The following PRKG1 variants were observed in gnomAD, a reference collection of about 807,000 sequenced individuals.
The protein encoded by PRKG1 is protein kinase cGMP-dependent 1.
A neutral mutation model predicts 88.1 loss-of-function variants in PRKG1; 35 were observed. That is an observed-to-expected ratio of 0.40 (90% CI 0.30 to 0.53). PRKG1 has a LOEUF of 0.53. Among genes scored for constraint, PRKG1 ranks in the 20% least tolerant of loss-of-function variants. The probability of loss-of-function intolerance (pLI) is 0.59; values close to 1 mark genes in which losing one functional copy is unlikely to be tolerated. For synonymous variants in PRKG1, 303 were observed against 292.5 expected (o/e 1.04, Z -0.37); for missense variants, 540 against 839.8 (o/e 0.64, Z 4.41).
At chr10:52,101,986 C>G (rs995095796) in intron 7 of PRKG1, among the ~76,000 whole-genome samples, 1 of 152,084 alleles carries the variant, frequency 6.6e-6, no homozygotes, top group African/African-American at 2.4e-5. Flanking sequence ...CAGGACTGCC[C>G]TTCTCTATAA....
At chr10:51,045,047 G>A (rs1252860869) in intron 1 of PRKG1, among the ~76,000 whole-genome samples, 1 of 151,962 alleles carries the variant, frequency 6.6e-6, no homozygotes. Context: ...TGTCTTAAAA[G>A]GTAGACATTT....
chr10:51,189,602 G>A (rs934436207), intron 2 of PRKG1, among the ~76,000 whole-genome samples: 1 of 151,782 alleles, frequency 6.6e-6, no homozygotes, highest in Non-Finnish European at 1.5e-5. Context: ...CTGTGTCCCA[G>A]TTGTTTGTTT....
intron 6 of PRKG1, among the ~76,000 whole-genome samples, chr10:52,055,029 C>T (rs761914741): frequency 2.0e-5 from 3 of 152,032 alleles, no homozygotes; most frequent in Non-Finnish European, 2.9e-5. Flanking sequence ...CCAGCTACTT[C>T]GGAGGCTGAG....
chr10:51,119,240 A>G (rs1002938838), intron 1 of PRKG1, among the ~76,000 whole-genome samples: 20 of 152,050 alleles, frequency 1.3e-4, no homozygotes, highest in Non-Finnish European at 2.2e-4. Context: ...AACTAAATTA[A>G]ATTTTCAGGG....
At chr10:52,153,831 C>T (rs1010981759) in intron 8 of PRKG1, among the ~76,000 whole-genome samples, 5 of 151,978 alleles carry the variant, frequency 3.3e-5, no homozygotes, top group South Asian at 2.1e-4. Context: ...CTGCAACCTC[C>T]GCCTCCCGGG....
intron 3 of PRKG1, among the ~76,000 whole-genome samples, chr10:51,476,739 A>C (rs1310604144): frequency 6.6e-6 from 1 of 152,006 alleles, no homozygotes; most frequent in Non-Finnish European, 1.5e-5. Flanking sequence ...AGTTGCCCTA[A>C]ATTCCCTTGC....
intron 3 of PRKG1, among the ~76,000 whole-genome samples, chr10:51,488,115 A>G (rs1840600239): frequency 6.6e-6 from 1 of 152,190 alleles, no homozygotes; most frequent in Non-Finnish European, 1.5e-5. Context: ...TATGACATGT[A>G]TGATAAATGC....
At chr10:51,088,183 A>T (rs1025791796) in intron 1 of PRKG1, among the ~76,000 whole-genome samples, 1 of 152,206 alleles carries the variant, frequency 6.6e-6, no homozygotes, top group Non-Finnish European at 1.5e-5. Flanking sequence ...TTAGTTTAAA[A>T]TTTTTAAGTA....
chr10:52,241,088 T>TA (rs1211705381), intron 9 of PRKG1, among the ~76,000 whole-genome samples: 1 of 152,180 alleles, frequency 6.6e-6, no homozygotes, highest in Non-Finnish European at 1.5e-5. Flanking sequence ...TCTGGTCTGT[T>TA]ATAGTTCTAT....
At chr10:52,027,018 T>C (rs1458829703) in intron 5 of PRKG1, among the ~76,000 whole-genome samples, 1 of 151,398 alleles carries the variant, frequency 6.6e-6, no homozygotes, top group Middle Eastern at 3.4e-3. Flanking sequence ...ATATGAATTA[T>C]ATCTCAATTT....
chr10:52,015,318 G>A, intron 5 of PRKG1, among the ~76,000 whole-genome samples: 1 of 152,214 alleles, frequency 6.6e-6, no homozygotes, highest in Admixed American at 6.5e-5. Flanking sequence ...TTTGGGGCTT[G>A]AACCCTCTAA....
intron 9 of PRKG1, among the ~76,000 whole-genome samples, chr10:52,196,842 A>C (rs1839518507): frequency 6.6e-6 from 1 of 152,206 alleles, no homozygotes; most frequent in Non-Finnish European, 1.5e-5. Flanking sequence ...ATAAGTTATT[A>C]TGATAGTGTC....
At chr10:52,199,193 C>G (rs1446812397) in intron 9 of PRKG1, among the ~76,000 whole-genome samples, 2 of 152,124 alleles carry the variant, frequency 1.3e-5, no homozygotes, top group African/African-American at 4.8e-5. Context: ...TCCTCACCTT[C>G]TAACCCTGAC....
At chr10:51,356,659 G>T (rs1293943307) in intron 2 of PRKG1, among the ~76,000 whole-genome samples, 3 of 151,934 alleles carry the variant, frequency 2.0e-5, no homozygotes, top group African/African-American at 7.2e-5. Flanking sequence ...AGCCTCTTCT[G>T]TTGACATTTC....
At chr10:51,237,730 A>T (rs1839035638) in intron 2 of PRKG1, among the ~76,000 whole-genome samples, 1 of 152,186 alleles carries the variant, frequency 6.6e-6, no homozygotes. Context: ...TAAAGACAGA[A>T]GATTCTGATT....
At chr10:52,251,860 G>A (rs1448655158) in intron 10 of PRKG1, 194 bp downstream of exon 10, 8 of 488,278 alleles carry the variant, frequency 1.6e-5, no homozygotes, top group East Asian at 1.6e-4. Context: ...TGCAGTCAAC[G>A]ACTAAAAATA....
At chr10:51,103,418 G>A (rs979536527) in intron 1 of PRKG1, among the ~76,000 whole-genome samples, 5 of 152,020 alleles carry the variant, frequency 3.3e-5, no homozygotes, top group South Asian at 2.1e-4. Flanking sequence ...ATATTTCTTC[G>A]AGCTAAAAAA....
At chr10:51,830,295 G>A (rs1446343946) in intron 4 of PRKG1, among the ~76,000 whole-genome samples, 1 of 151,966 alleles carries the variant, frequency 6.6e-6, no homozygotes, top group African/African-American at 2.4e-5. Context: ...AGTATGATTT[G>A]CATCTACTGC....
At position 52,192,071 on chromosome 10, in the gene PRKG1, T is replaced by A. The variant is rs557143503; in HGVS notation, c.1076+30108T>A. 5.3e-5 allele frequency among the ~76,000 whole-genome samples: 8 copies of A among 152,330 alleles called. No individual in the cohort carries two copies. The South Asian group carries it at 8.3e-4, about 16-fold the overall frequency. ...TGCTTTTGGTGACAAATCAGATTTT[T>A]AAAATTTTGCACATTTAAATTTTTT... On this transcript the variant is annotated intron_variant, in intron 9 of 17. Coordinates refer to ENST00000373980, the MANE Select transcript of PRKG1 (RefSeq NM_006258.4).
Sources: allele counts gnomAD v4.1 joint callset (sites outside exome capture counted in the v4.1 genomes callset), GRCh38; gene constraint gnomAD v4.1.1; transcripts MANE v1.5; gene names NCBI Gene and HGNC (gene_info 2026-07-23, HGNC 2026-07-21).